The following AGAP1 variants were observed in gnomAD, a reference collection of about 807,000 sequenced individuals.
The protein encoded by AGAP1 is arf-GAP with GTPase, ANK repeat and PH domain-containing protein 1.
AGAP1 carries 29 observed loss-of-function variants against 105.3 expected under a neutral mutation model. The observed-to-expected ratio is 0.28, with a 90% CI of 0.21 to 0.38. AGAP1 has a LOEUF of 0.38. Ranked by LOEUF, AGAP1 falls within the 10% of genes least tolerant of loss-of-function variation. AGAP1 has a pLI of 1.00. For missense variants in AGAP1, 998 were observed against 1,165.1 expected, an observed-to-expected ratio of 0.86 and a Z score of 2.09; for synonymous variants, 509 against 485.9, an observed-to-expected ratio of 1.05 and a Z score of -0.63.
At chr2:235,685,800 G>T (rs761742318) in intron 1 of AGAP1, among the ~76,000 whole-genome samples, 1 of 152,056 alleles carries the variant, frequency 6.6e-6, no homozygotes, top group African/African-American at 2.4e-5. Context: ...GAGGATGTGC[G>T]CTCATTAACA....
intron 13 of AGAP1, among the ~76,000 whole-genome samples, chr2:236,004,278 G>T (rs1023039129): frequency 1.3e-5 from 2 of 152,066 alleles, no homozygotes; most frequent in Non-Finnish European, 2.9e-5. Context: ...CCAGCTTAGC[G>T]TGACCCAAGT....
chr2:235,857,872 C>T (rs1234618297), intron 9 of AGAP1, among the ~76,000 whole-genome samples: 2 of 152,188 alleles, frequency 1.3e-5, no homozygotes, highest in Non-Finnish European at 2.9e-5. Flanking sequence ...CAGAAGCAGG[C>T]CTATCGCCCT....
intron 9 of AGAP1, among the ~76,000 whole-genome samples, chr2:235,849,319 A>G (rs1013313798): frequency 3.9e-5 from 6 of 152,220 alleles, no homozygotes; most frequent in Non-Finnish European, 8.8e-5. Flanking sequence ...CTATTGGCCA[A>G]CGAGGGCCAA....
chr2:235,834,828 C>T (rs1959928336), intron 9 of AGAP1, among the ~76,000 whole-genome samples: 1 of 152,214 alleles, frequency 6.6e-6, no homozygotes, highest in Admixed American at 6.5e-5. Flanking sequence ...TATCCAGGCC[C>T]TTAGAGGCTC....
chr2:235,516,355 T>C (rs181286087), intron 1 of AGAP1, among the ~76,000 whole-genome samples: 3 of 152,182 alleles, frequency 2.0e-5, no homozygotes, highest in Non-Finnish European at 4.4e-5. Context: ...TATTATTATT[T>C]TTTTTAAATC....
At chr2:235,717,468 G>T in intron 2 of AGAP1, 89 bp from the exon 3 acceptor site, 1 of 1,062,510 alleles carries the variant, frequency 9.4e-7, no homozygotes. Context: ...TTGTGTTTAG[G>T]CCTCCTGTCT....
At chr2:235,616,726 C>T (rs1306386622) in intron 1 of AGAP1, among the ~76,000 whole-genome samples, 1 of 152,202 alleles carries the variant, frequency 6.6e-6, no homozygotes, top group African/African-American at 2.4e-5. Flanking sequence ...GTGCCTAGCA[C>T]AGAGTAGACC....
At chr2:236,024,022 T>G (rs1348263748) in intron 13 of AGAP1, among the ~76,000 whole-genome samples, 25 of 29,792 alleles carry the variant, frequency 8.4e-4, no homozygotes, top group African/African-American at 2.8e-3. Flanking sequence ...TGGTTGGTTG[T>G]TTTTTTTTTT....
Position 235,658,418 on chromosome 2 carries a change from C to A in AGAP1, c.164-50761C>A, listed in dbSNP as rs143040321. Among the ~76,000 whole-genome samples the A allele has an allele frequency of 5.3e-5, 8 of 152,230 alleles. No individual in the cohort carries two copies. The East Asian group carries it at 1.5e-3, about 29-fold the overall frequency. On this transcript the variant is annotated intron_variant, in intron 1 of 17. Coordinates refer to ENST00000304032, the MANE Select transcript of AGAP1 (RefSeq NM_001037131.3). ...CTAATTCTATCCAGAATGCTTCGGA[C>A]GGGAAGAATTTATGGCTTTATAAGT...
At chr2:235,897,421 T>G (rs1402497257) in intron 10 of AGAP1, among the ~76,000 whole-genome samples, 2 of 152,182 alleles carry the variant, frequency 1.3e-5, no homozygotes, top group African/African-American at 2.4e-5. Flanking sequence ...AAATTCTGCC[T>G]TCTTGCATTT....
In AGAP1 at chr2:236,096,721, G is replaced by A. The variant is rs2059201148; in HGVS notation, c.2115-23471G>A. On this transcript the variant is annotated intron_variant, in intron 16 of 17. Coordinates refer to ENST00000304032, the MANE Select transcript of AGAP1 (RefSeq NM_001037131.3). The surrounding 1 kb of genome is among the most constrained non-coding windows in gnomAD (Gnocchi z 4.4). ...GGCCTCCTGAGTAGCTGGGATTACA[G>A]GTGCCCACCACCACACCCAGCTAAT... is the stretch of plus-strand genomic sequence containing the variant. 6.6e-6 allele frequency among the ~76,000 whole-genome samples: 1 copy of A among 151,700 alleles called. No individual in the cohort carries two copies. Among genetic ancestry groups the A allele is most frequent in the Non-Finnish European group, 1.5e-5 (1 of 67,942 alleles).
intron 13 of AGAP1, among the ~76,000 whole-genome samples, chr2:235,975,195 T>C (rs540445930): frequency 2.6e-4 from 39 of 152,384 alleles, no homozygotes; most frequent in African/African-American, 8.9e-4. Context: ...AATGGAGTTT[T>C]GTTTTTACTT....
rs1280460255 is a variant in AGAP1, at chr2:235,675,678, TA to T, written c.164-33497del. Among the ~76,000 whole-genome samples, 3 of 152,160 alleles carry T rather than the reference TA, an allele frequency of 2.0e-5. No individual in the cohort carries two copies. The East Asian group carries it at 5.8e-4, about 29-fold the overall frequency. ...ACTCCTCATTATTTTTGTTTAGGGC[TA>T]AAATGATTCTCCTGGAGACAGAGCA... On this transcript the variant is annotated intron_variant, in intron 1 of 17. Coordinates refer to ENST00000304032, the MANE Select transcript of AGAP1 (RefSeq NM_001037131.3).
intron 1 of AGAP1, among the ~76,000 whole-genome samples, chr2:235,658,062 G>A (rs533870417): frequency 3.0e-4 from 45 of 152,296 alleles, no homozygotes; most frequent in African/African-American, 9.4e-4. Context: ...CACACAGCCC[G>A]TGGTACTTTG....
At chr2:235,673,197 G>GC (rs1559333493) in intron 1 of AGAP1, among the ~76,000 whole-genome samples, 1 of 152,198 alleles carries the variant, frequency 6.6e-6, no homozygotes, top group Non-Finnish European at 1.5e-5. Flanking sequence ...AAAAGGTGTA[G>GC]CCCCCATAGG....
In AGAP1 at chr2:235,620,972, G is replaced by A. The variant is rs563385757; in HGVS notation, c.164-88207G>A. Among the ~76,000 whole-genome samples, 20 of 152,300 alleles carry A rather than the reference G, an allele frequency of 1.3e-4. No individual in the cohort carries two copies. The highest frequency in any genetic ancestry group is 3.3e-4 in the Admixed American group (5 of 15,298). On this transcript the variant is annotated intron_variant, in intron 1 of 17. Coordinates refer to ENST00000304032, the MANE Select transcript of AGAP1 (RefSeq NM_001037131.3). The surrounding 1 kb of genome is among the most constrained non-coding windows in gnomAD (Gnocchi z 4.5). Reference sequence around the variant, plus strand: ...TCAGGAGCCAGGGGGCTGCATCTGCGTGTTGGCTCTGCTGCTGAAGTGGCT... The same window carrying A: ...TCAGGAGCCAGGGGGCTGCATCTGCATGTTGGCTCTGCTGCTGAAGTGGCT...
Position 236,083,826 on chromosome 2 carries a change from T to C in AGAP1, c.2114+34545T>C, listed in dbSNP as rs1255934772. Among the ~76,000 whole-genome samples the C allele has an allele frequency of 4.6e-5, 7 of 152,106 alleles. No individual in the cohort carries two copies. Among genetic ancestry groups the C allele is most frequent in the African/African-American group, 1.7e-4 (7 of 41,402 alleles). ...AGAGCAAGGAGTGCCTCTTCTGAGA[T>C]CCCATTCGATGCTCTGCCCTCAATT... On this transcript the variant is annotated intron_variant, in intron 16 of 17. Transcript: ENST00000304032. The surrounding 1 kb of genome is among the most constrained non-coding windows in gnomAD (Gnocchi z 5.3).
intron 9 of AGAP1, among the ~76,000 whole-genome samples, chr2:235,881,238 C>T (rs1415022653): frequency 1.3e-5 from 2 of 152,078 alleles, no homozygotes; most frequent in African/African-American, 2.4e-5. Context: ...TGGACTTGAA[C>T]TCAATTATAT....
rs759977326 is a variant in AGAP1, at chr2:235,792,870, C to T, written c.674-4889C>T. 1.3e-5 allele frequency among the ~76,000 whole-genome samples: 2 copies of T among 152,128 alleles called. No homozygotes were observed. Among genetic ancestry groups the T allele is most frequent in the Non-Finnish European group, 2.9e-5 (2 of 68,028 alleles). On this transcript the variant is annotated intron_variant, in intron 6 of 17. Coordinates refer to ENST00000304032, the MANE Select transcript of AGAP1 (RefSeq NM_001037131.3). This position sits in a 1 kb window ranked among gnomAD's most constrained non-coding sequence, Gnocchi z 5.3. ...GAGGCAGAGCTCTTCGTGGCAGTGG[C>T]GATCCTGGGAGCTCCTGGCACTGAG...
Sources: allele counts gnomAD v4.1 joint callset (sites outside exome capture counted in the v4.1 genomes callset), GRCh38; gene constraint gnomAD v4.1.1; non-coding constraint Gnocchi (gnomAD v3.1); transcripts MANE v1.5; gene names NCBI Gene and HGNC (gene_info 2026-07-23, HGNC 2026-07-21).